The following ANXA11 variants were observed in gnomAD, a reference collection of about 807,000 sequenced individuals.
ANXA11 encodes annexin A11.
A neutral mutation model predicts 64.7 loss-of-function variants in ANXA11; 57 were observed. The ratio of observed to expected loss-of-function variants is 0.88; its 90% CI spans 0.71 to 1.10. The LOEUF is 1.10. Among genes scored for constraint, ANXA11 ranks in the 50% least tolerant of loss-of-function variants. The pLI is 0.00. For synonymous variants in ANXA11, 260 were observed against 265.2 expected (o/e 0.98, Z 0.19); for missense variants, 675 against 670.7 (o/e 1.01, Z -0.07).
At chr10:80,182,873 G>A (rs866832658) in intron 1 of ANXA11, among the ~76,000 whole-genome samples, 1 of 152,188 alleles carries the variant, frequency 6.6e-6, no homozygotes, top group African/African-American at 2.4e-5. Context: ...TTAACCTATA[G>A]GGTCTGCAGT....
chr10:80,199,222 C>T (rs965112683), intron 1 of ANXA11, among the ~76,000 whole-genome samples: 4 of 151,776 alleles, frequency 2.6e-5, no homozygotes, highest in African/African-American at 7.3e-5. Flanking sequence ...CTCAGCCTCC[C>T]GAGTAGCTGG....
At chr10:80,201,651 G>A (rs1840427214) in intron 1 of ANXA11, among the ~76,000 whole-genome samples, 1 of 152,126 alleles carries the variant, frequency 6.6e-6, no homozygotes, top group South Asian at 2.1e-4. Flanking sequence ...GCCAACAGTG[G>A]GTTCTCAGTA....
chr10:80,163,030 C>T (rs1049697350), intron 11 of ANXA11, among the ~76,000 whole-genome samples: 1 of 152,298 alleles, frequency 6.6e-6, no homozygotes, highest in Middle Eastern at 3.4e-3. Flanking sequence ...CCTTTGCAAA[C>T]ATAATGCTAT....
At chr10:80,172,003 AT>A in intron 3 of ANXA11, 1 of 831,024 alleles carries the variant, frequency 1.2e-6, no homozygotes, top group Non-Finnish European at 1.5e-6. Context: ...GGGAAGGTAA[AT>A]GGCCTGCAGG....
chr10:80,168,527 T>A (rs1185920714), intron 5 of ANXA11, among the ~76,000 whole-genome samples: 1 of 149,716 alleles, frequency 6.7e-6, no homozygotes, highest in East Asian at 1.9e-4. Flanking sequence ...TTTGTCTTTT[T>A]TTGTTTTTGT....
At chr10:80,161,703 C>T (rs931225417) in intron 12 of ANXA11, among the ~76,000 whole-genome samples, 11 of 152,216 alleles carry the variant, frequency 7.2e-5, no homozygotes, top group Non-Finnish European at 2.9e-5. Flanking sequence ...TCCACATTCC[C>T]ACGTACAAAG....
At chr10:80,159,053 A>G in intron 13 of ANXA11, 47 bp downstream of exon 13, 1 of 1,434,990 alleles carries the variant, frequency 7.0e-7, no homozygotes, top group Admixed American at 1.7e-5. Flanking sequence ...AACACTCACG[A>G]TACACGTTAG....
intron 12 of ANXA11, among the ~76,000 whole-genome samples, chr10:80,161,669 G>A (rs1404589592): frequency 5.3e-5 from 8 of 152,220 alleles, no homozygotes; most frequent in African/African-American, 1.4e-4. Flanking sequence ...GGGTGCTCCC[G>A]AAGGACCCTC....
chr10:80,168,339 C>T lies in ANXA11; in HGVS notation c.561+630G>A, dbSNP rs536883782. Among the ~76,000 whole-genome samples the T allele has an allele frequency of 2.0e-5, 3 of 152,190 alleles. No homozygotes were observed. The South Asian group carries it at 6.2e-4, about 32-fold the overall frequency. ...AGACAGGTGGCCTGGGCAGTTCTTACAAAACACACAGCCCAGGCAGTAAAT... is the reference window on the plus strand; with the variant it reads ...AGACAGGTGGCCTGGGCAGTTCTTATAAAACACACAGCCCAGGCAGTAAAT... On this transcript the variant is annotated intron_variant, in intron 5 of 15. Coordinates refer to ENST00000422982, the MANE Select transcript of ANXA11 (RefSeq NM_145868.2).
intron 1 of ANXA11, among the ~76,000 whole-genome samples, chr10:80,201,883 T>C (rs548166527): frequency 6.6e-6 from 1 of 152,234 alleles, no homozygotes; most frequent in Non-Finnish European, 1.5e-5. Context: ...CTCACTCAGA[T>C]TTCCCCCATC....
intron 12 of ANXA11, among the ~76,000 whole-genome samples, chr10:80,159,878 G>A (rs1845436013): frequency 6.6e-6 from 1 of 152,162 alleles, no homozygotes; most frequent in South Asian, 2.1e-4. Context: ...CCATTCCTTG[G>A]CTTTATTCAT....
intron 6 of ANXA11, 109 bp downstream of exon 6, chr10:80,167,117 C>A (rs1845776537): frequency 1.5e-6 from 2 of 1,305,878 alleles, no homozygotes; most frequent in Non-Finnish European, 2.2e-6. Flanking sequence ...TCTATCACCA[C>A]TGGGGCCAGG....
intron 2 of ANXA11, among the ~76,000 whole-genome samples, chr10:80,173,641 A>C (rs921438838): frequency 2.0e-5 from 3 of 152,186 alleles, no homozygotes; most frequent in Non-Finnish European, 2.9e-5. Flanking sequence ...TTAAATTGTG[A>C]GGAGGGACAC....
At chr10:80,176,517 T>C (rs1449860363) in intron 1 of ANXA11, among the ~76,000 whole-genome samples, 2 of 152,198 alleles carry the variant, frequency 1.3e-5, no homozygotes, top group African/African-American at 2.4e-5. Flanking sequence ...TTTAGATCTG[T>C]TCCCTGTGCA....
chr10:80,178,661 G>A (rs1846255191), intron 1 of ANXA11, among the ~76,000 whole-genome samples: 3 of 152,326 alleles, frequency 2.0e-5, no homozygotes, highest in South Asian at 4.2e-4. Flanking sequence ...ACAGATTGCT[G>A]GGCCCCACCT....
intron 6 of ANXA11, 41 bp from the exon 7 acceptor site, chr10:80,167,025 T>A: frequency 6.8e-7 from 1 of 1,468,852 alleles, no homozygotes; most frequent in South Asian, 1.2e-5. Flanking sequence ...GTAGGGGTCA[T>A]GAGATGCTCT....
At chr10:80,183,844 A>G (rs1011904258) in intron 1 of ANXA11, among the ~76,000 whole-genome samples, 1 of 152,206 alleles carries the variant, frequency 6.6e-6, no homozygotes, top group Non-Finnish European at 1.5e-5. Flanking sequence ...CAGTTCCCCC[A>G]TAACTATGAA....
In ANXA11 at chr10:80,166,089, TGG is replaced by T; in HGVS notation, c.851_852del (p.Ala284AspfsTer7). The T allele has an allele frequency of 6.3e-7, 1 of 1,575,084 alleles. No homozygotes were observed. The highest frequency in any genetic ancestry group is 1.1e-5 in the South Asian group (1 of 89,290). Reference sequence around the variant, plus strand: ...ACACACACACACGTACACACCTTGATGGCTTCCTTTATCTCATAAATGTCAAA... The same window carrying T: ...ACACACACACACGTACACACCTTGATCTTCCTTTATCTCATAAATGTCAAA... ...VLFDIYEIKEAIKGVGTDEAC... is the reference protein window; with the variant it reads ...VLFDIYEIKEXIKGVGTDEAC... On this transcript the variant is annotated frameshift_variant, in exon 8 of 16. Transcript: ENST00000422982. LOFTEE classifies it high-confidence loss of function.
chr10:80,171,358 A>G, intron 3 of ANXA11: 2 of 654,092 alleles, frequency 3.1e-6, no homozygotes, highest in Admixed American at 6.2e-5. Flanking sequence ...GCTGTTTGCT[A>G]TTACAAGTCT....
Sources: allele counts gnomAD v4.1 joint callset (sites outside exome capture counted in the v4.1 genomes callset), GRCh38; gene constraint gnomAD v4.1.1; transcripts MANE v1.5; gene names NCBI Gene and HGNC (gene_info 2026-07-23, HGNC 2026-07-21).